Variants in KNL1 observed in about 807,000 individuals in gnomAD.
KNL1 encodes outer kinetochore KNL1 complex subunit KNL1.
KNL1 carries 66 observed loss-of-function variants against 201.3 expected under a neutral mutation model. The observed-to-expected ratio is 0.33, with a 90% CI of 0.27 to 0.40. The LOEUF is 0.40. Ranked by LOEUF, KNL1 falls within the 10% of genes least tolerant of loss-of-function variation. KNL1 has a pLI of 1.00. For synonymous variants in KNL1, 895 were observed against 899.2 expected, an observed-to-expected ratio of 1.00 and a Z score of 0.08; for missense variants, 2,815 against 2,690.5, an observed-to-expected ratio of 1.05 and a Z score of -1.02.
chr15:40,619,787 T>C (rs1225723093), intron 9 of KNL1, among the ~76,000 whole-genome samples: 1 of 152,190 alleles, frequency 6.6e-6, no homozygotes, highest in African/African-American at 2.4e-5. Context: ...CTATTCAATA[T>C]AGTAATTAGA....
chr15:40,620,795 A>G lies in KNL1; in HGVS notation c.531A>G (p.Ile177Met). ...DNPISEKSTK[I>M]DTTSFLANLK... The stretch of plus-strand genomic sequence containing the variant: ...CCATAAGTGAAAAGTCCACCAAGAT[A>G]GATACCACATCATTTCTAGCTAATT... The change falls in exon 10 of 26, where the codon ATA becomes ATG. Residue 177 changes from isoleucine to methionine, a missense_variant. Transcript: ENST00000399668. 6.2e-7 allele frequency: 1 copy of G among 1,613,174 alleles called. No individual in the cohort carries two copies. Among genetic ancestry groups the G allele is most frequent in the South Asian group, 1.1e-5 (1 of 90,976 alleles).
At chr15:40,602,685 A>G (rs752218764) in intron 1 of KNL1, among the ~76,000 whole-genome samples, 2 of 150,048 alleles carry the variant, frequency 1.3e-5, no homozygotes, top group South Asian at 2.1e-4. Context: ...GGGTTTCTCC[A>G]TGTTGGTCAG....
rs1472114082 is a variant in KNL1, at chr15:40,623,483, C to T, written c.3219C>T (p.Asp1073=). The change falls in exon 10 of 26, where the codon GAC becomes GAT. Residue 1073 remains aspartate, a synonymous_variant. Transcript: ENST00000399668. ...QRRKSLKLKN[D]KTIVFSENHK... is the part of the protein sequence containing the mutation. ...GAAAAAGCCTTAAGCTAAAAAATGACAAGACCATTGTATTTTCAGAGAATC... is the reference window on the plus strand; with the variant it reads ...GAAAAAGCCTTAAGCTAAAAAATGATAAGACCATTGTATTTTCAGAGAATC... The T allele has an allele frequency of 6.2e-7, 1 of 1,612,022 alleles. No homozygotes were observed. The highest frequency in any genetic ancestry group is 1.7e-5 in the Admixed American group (1 of 59,494).
chr15:40,660,402 C>A (rs1893873274), intron 25 of KNL1, among the ~76,000 whole-genome samples: 1 of 152,000 alleles, frequency 6.6e-6, no homozygotes, highest in Admixed American at 6.6e-5. Flanking sequence ...CACAGTTGCT[C>A]ACACCTGTAA....
At chr15:40,610,749 A>T (rs148373153) in intron 6 of KNL1, 1 of 454,940 alleles carries the variant, frequency 2.2e-6, no homozygotes, top group Non-Finnish European at 4.4e-6. Flanking sequence ...ATAGTAAGTA[A>T]ATTTATTTAT....
intron 10 of KNL1, among the ~76,000 whole-genome samples, chr15:40,626,879 A>G (rs1212493022): frequency 6.7e-6 from 1 of 149,504 alleles, no homozygotes; most frequent in African/African-American, 2.5e-5. Context: ...CACGGCCCAT[A>G]ATGGCGTTTA....
At chr15:40,597,481 T>A (rs1459190397) in intron 1 of KNL1, among the ~76,000 whole-genome samples, 6 of 152,168 alleles carry the variant, frequency 3.9e-5, no homozygotes, top group African/African-American at 1.4e-4. Context: ...CACCATGTTG[T>A]CCAGGCTGGT....
In KNL1 at chr15:40,655,360, G is replaced by A. The variant is rs180674212; in HGVS notation, c.6484+383G>A. ...TGTAATCCCAGCACTTTGGGAGGCC[G>A]AGGAAGGCAGATCACAAGGTCAGAG... On this transcript the variant is annotated intron_variant, in intron 22 of 25. Transcript: ENST00000399668. Among the ~76,000 whole-genome samples the A allele has an allele frequency of 2.4e-3, 361 of 151,038 alleles. 3 individuals are homozygous for A. The highest frequency in any genetic ancestry group is 8.5e-3 in the African/African-American group (350 of 41,156).
intron 7 of KNL1, among the ~76,000 whole-genome samples, chr15:40,612,610 G>C (rs144456298): frequency 6.6e-6 from 1 of 151,970 alleles, no homozygotes; most frequent in African/African-American, 2.4e-5. Flanking sequence ...TCCGCCTCCT[G>C]GGTTCAAGTG....
In KNL1 at chr15:40,625,291, C is replaced by G. The variant is rs771967060; in HGVS notation, c.5027C>G (p.Ala1676Gly). The stretch of plus-strand genomic sequence containing the variant: ...ATTGATGACCTGGAACAGATTCCAG[C>G]AGACACAACTGATATAAATCACTTA... The part of the protein sequence containing the change: ...TGIDDLEQIP[A>G]DTTDINHLET... The change falls in exon 10 of 26, where the codon GCA (alanine) becomes GGA (glycine). Residue 1676 changes from alanine to glycine, a missense_variant. This residue lies in a region of KNL1 where 2,464 missense variants were observed against 2,291.7 expected (regional missense o/e 1.08). Transcript: ENST00000399668. The G allele has an allele frequency of 1.2e-6, 2 of 1,613,972 alleles. No homozygotes were observed. The highest frequency in any genetic ancestry group is 1.3e-5 in the African/African-American group (1 of 74,926).
Position 40,628,183 on chromosome 15 carries a change from T to G in KNL1, c.5490T>G (p.Ala1830=). The G allele has an allele frequency of 6.2e-7, 1 of 1,609,796 alleles. No homozygotes were observed. The highest frequency in any genetic ancestry group is 1.1e-5 in the South Asian group (1 of 90,056). ...SCSSSLDSIK[A]DGTSLDFSTY... is the part of the protein sequence containing the mutation. ...GCAGCTCTCTGGATTCAATCAAGGC[T>G]GATGGGACCTCTCTGGACTTCAGCA... The change falls in exon 11 of 26, where the codon GCT becomes GCG. Residue 1830 remains alanine, a synonymous_variant. Transcript: ENST00000399668.
Position 40,628,771 on chromosome 15 carries a change from A to T in KNL1, c.5583+93A>T, listed in dbSNP as rs544711046. 462 of 709,136 alleles carry T rather than the reference A, an allele frequency of 6.5e-4. 2 individuals are homozygous for T. In the East Asian group the frequency reaches 8.0e-3, roughly 12 times the overall value. The allele number at this position is 709,136 out of a possible 1,614,324, so 43.9% of individuals were successfully genotyped here. A position where few individuals can be genotyped will look rare whatever the true frequency, so the allele number is the denominator to read the frequency against. On this transcript the variant is annotated intron_variant, in intron 12 of 25. Coordinates refer to ENST00000399668, the MANE Select transcript of KNL1 (RefSeq NM_144508.5). ...ACACGTAATATTCTTGGTTTAAAAA[A>T]TTTTTTTTAATTACGAAATATTTCA...
intron 13 of KNL1, 25 bp from the exon 14 acceptor site, chr15:40,640,887 T>C (rs1234753543): frequency 7.3e-7 from 1 of 1,376,730 alleles, no homozygotes. Context: ...ATACCAGTTC[T>C]CAGGGACTGA....
At chr15:40,600,983 A>G (rs1891773207) in intron 1 of KNL1, among the ~76,000 whole-genome samples, 1 of 152,204 alleles carries the variant, frequency 6.6e-6, no homozygotes, top group Admixed American at 6.5e-5. Flanking sequence ...TTTCCCTCAG[A>G]TAAATATACA....
rs758474635 is a variant in KNL1 at position 40,622,870 on chromosome 15, A to G, written c.2606A>G (p.Lys869Arg). 1.2e-6 allele frequency: 2 copies of G among 1,613,068 alleles called. No homozygotes were observed. The highest frequency in any genetic ancestry group is 2.2e-5 in the South Asian group (2 of 91,020). ...ACTATTGTATTTTCAGAAGACGATA[A>G]GAATGATATGGATATCACTAAGAGT... is the stretch of plus-strand genomic sequence containing the variant. ...DKTIVFSEDD[K>R]NDMDITKSYT... Residue 869 changes from lysine to arginine, a missense_variant, in exon 10 of 26, where the codon AAG becomes AGG. By Grantham distance (26) the Lys-to-Arg change is conservative. Coordinates refer to ENST00000399668, the MANE Select transcript of KNL1 (RefSeq NM_144508.5).
chr15:40,629,536 C>T (rs1464657463), intron 13 of KNL1, among the ~76,000 whole-genome samples, 165 bp downstream of exon 13: 1 of 110,020 alleles, frequency 9.1e-6, no homozygotes, highest in Non-Finnish European at 1.7e-5. Flanking sequence ...TGGAGTCTCG[C>T]TCTGTTGCCC....
At position 40,645,764 on chromosome 15, in the gene KNL1, T is replaced by G. The variant is rs1893364989; in HGVS notation, c.5998T>G (p.Ser2000Ala). 6.4e-7 allele frequency: 1 copy of G among 1,560,540 alleles called. No homozygotes were observed. The highest frequency in any genetic ancestry group is 8.8e-7 in the Non-Finnish European group (1 of 1,140,570). ...KVALYGKLVQSAQNEREKLQI... is the reference protein window; with the variant it reads ...KVALYGKLVQAAQNEREKLQI... ...GGCTCTGTATGGCAAGCTGGTGCAG[T>G]CAGCTCAGGTAATTTGAGACAGTTA... Residue 2000 changes from serine to alanine, a missense_variant, in exon 16 of 26, where the codon TCA becomes GCA. Physicochemically the swap from Ser to Ala is moderately conservative, Grantham distance 99. Coordinates refer to ENST00000399668, the MANE Select transcript of KNL1 (RefSeq NM_144508.5).
chr15:40,607,466 G>T (rs982962096), intron 4 of KNL1, among the ~76,000 whole-genome samples: 1 of 152,088 alleles, frequency 6.6e-6, no homozygotes, highest in African/African-American at 2.4e-5. Flanking sequence ...TACCATTTCT[G>T]ATTCTTTATT....
intron 21 of KNL1, among the ~76,000 whole-genome samples, chr15:40,653,487 A>G (rs1182831094): frequency 6.6e-6 from 1 of 152,124 alleles, no homozygotes; most frequent in Non-Finnish European, 1.5e-5. Flanking sequence ...CACAGCGCCC[A>G]ACCTACTGGT....
Sources: allele counts gnomAD v4.1 joint callset (sites outside exome capture counted in the v4.1 genomes callset), GRCh38; gene constraint gnomAD v4.1.1; regional missense constraint gnomAD v4.1.1; transcripts MANE v1.5; gene names NCBI Gene and HGNC (gene_info 2026-07-23, HGNC 2026-07-21).